Variants in CNTNAP2 observed in about 807,000 individuals in gnomAD.
CNTNAP2 encodes the protein contactin associated protein 2, also known as contactin-associated protein-like 2.
CNTNAP2 carries 98 observed loss-of-function variants against 155.2 expected under a neutral mutation model. That is an observed-to-expected ratio of 0.63 (90% CI 0.54 to 0.75). The LOEUF (loss-of-function observed/expected upper bound fraction) is 0.75. Ranked by LOEUF, CNTNAP2 falls within the 30% of genes least tolerant of loss-of-function variation. The pLI, the probability that CNTNAP2 is intolerant of heterozygous loss-of-function variation, is 0.00. For synonymous variants in CNTNAP2, 651 were observed against 631.2 expected (o/e 1.03, Z -0.47); for missense variants, 1,727 against 1,688.1 (o/e 1.02, Z -0.40).
chr7:146,134,041 C>T (rs1208137938), intron 1 of CNTNAP2, among the ~76,000 whole-genome samples: 2 of 149,068 alleles, frequency 1.3e-5, no homozygotes, highest in Non-Finnish European at 3.0e-5. Context: ...TCTTCCTACC[C>T]ATGAGCATGG....
At chr7:146,551,491 G>C (rs1372866293) in intron 1 of CNTNAP2, among the ~76,000 whole-genome samples, 3 of 151,916 alleles carry the variant, frequency 2.0e-5, no homozygotes, top group Non-Finnish European at 2.9e-5. Flanking sequence ...TGGCTGCATA[G>C]TATTCCATGG....
At chr7:148,166,466 A>G (rs1334226093) in intron 17 of CNTNAP2, among the ~76,000 whole-genome samples, 3 of 150,144 alleles carry the variant, frequency 2.0e-5, no homozygotes. Context: ...GCTCTTTATT[A>G]AGTTCTGAAT....
At chr7:148,022,319 A>T (rs1802294479) in intron 15 of CNTNAP2, among the ~76,000 whole-genome samples, 2 of 152,114 alleles carry the variant, frequency 1.3e-5, no homozygotes, top group Admixed American at 6.5e-5. Context: ...AACACGAAAA[A>T]TTAGCCGAGC....
intron 1 of CNTNAP2, among the ~76,000 whole-genome samples, chr7:146,500,772 G>T (rs748389124): frequency 6.6e-6 from 1 of 152,082 alleles, no homozygotes; most frequent in Non-Finnish European, 1.5e-5. Flanking sequence ...ATAGAAGTGG[G>T]CTAAACAGAT....
intron 15 of CNTNAP2, among the ~76,000 whole-genome samples, chr7:148,088,077 A>G (rs1055260952): frequency 6.6e-6 from 1 of 152,046 alleles, no homozygotes; most frequent in Non-Finnish European, 1.5e-5. Context: ...GTATACTTTC[A>G]CAAAATGCAT....
intron 13 of CNTNAP2, among the ~76,000 whole-genome samples, chr7:147,848,161 C>A (rs1351026486): frequency 7.2e-6 from 1 of 139,314 alleles, no homozygotes; most frequent in Non-Finnish European, 1.6e-5. Context: ...TTTACCTAAG[C>A]AAGCCTGGGC....
chr7:147,865,120 G>C (rs1489199944), intron 13 of CNTNAP2, among the ~76,000 whole-genome samples: 1 of 152,056 alleles, frequency 6.6e-6, no homozygotes, highest in Admixed American at 6.6e-5. Context: ...TAGCTTATTG[G>C]GAGTTTTTAG....
intron 2 of CNTNAP2, among the ~76,000 whole-genome samples, chr7:146,802,272 G>A (rs1175020683): frequency 6.6e-6 from 1 of 152,124 alleles, no homozygotes; most frequent in Non-Finnish European, 1.5e-5. Context: ...TGACAGATCA[G>A]TTTCTTGCAG....
chr7:147,911,641 G>T (rs111435172), intron 14 of CNTNAP2, among the ~76,000 whole-genome samples: 2 of 152,142 alleles, frequency 1.3e-5, no homozygotes, highest in South Asian at 4.1e-4. Flanking sequence ...CACCACCATC[G>T]TTCTATTTTC....
intron 1 of CNTNAP2, among the ~76,000 whole-genome samples, chr7:146,646,337 C>T (rs777916074): frequency 1.1e-4 from 16 of 151,976 alleles, no homozygotes; most frequent in Non-Finnish European, 1.9e-4. Context: ...TGTGTGTGCA[C>T]GTGCACATGT....
At chr7:148,102,709 G>A (rs1047739029) in intron 15 of CNTNAP2, among the ~76,000 whole-genome samples, 3 of 152,154 alleles carry the variant, frequency 2.0e-5, no homozygotes, top group Non-Finnish European at 4.4e-5. Context: ...GTACCTCTTC[G>A]TGCAGTGAAA....
chr7:147,408,817 G>A (rs1219551641), intron 10 of CNTNAP2, among the ~76,000 whole-genome samples: 1 of 152,128 alleles, frequency 6.6e-6, no homozygotes, highest in African/African-American at 2.4e-5. Context: ...TATCCTTTGA[G>A]CAATACGCAG....
intron 8 of CNTNAP2, among the ~76,000 whole-genome samples, chr7:147,147,758 AGAG>A (rs1200083477): frequency 2.0e-5 from 3 of 152,306 alleles, no homozygotes; most frequent in East Asian, 1.9e-4. Context: ...GTAGCCGAAC[AGAG>A]GAGAACAATC....
chr7:147,023,399 C>A (rs539727027), intron 3 of CNTNAP2, among the ~76,000 whole-genome samples: 1 of 152,128 alleles, frequency 6.6e-6, no homozygotes, highest in Non-Finnish European at 1.5e-5. Flanking sequence ...ACAGTTTCAC[C>A]TTTCTTTGTA....
rs1425122697 is a variant in CNTNAP2 at position 146,728,976 on chromosome 7, C to G, written c.98-45295C>G. On this transcript the variant is annotated intron_variant, in intron 1 of 23. Coordinates refer to ENST00000361727, the MANE Select transcript of CNTNAP2 (RefSeq NM_014141.6). ...CAGAAAAAACTCTGAGAGGTGGCTA[C>G]TTGATATTTTAAACTTGACCACAAG... Among the ~76,000 whole-genome samples, 3 of 152,168 alleles carry G rather than the reference C, an allele frequency of 2.0e-5. No homozygotes were observed. In the East Asian group the frequency reaches 5.8e-4, roughly 29 times the overall value.
chr7:147,539,336 T>C (rs1799600945), intron 11 of CNTNAP2, among the ~76,000 whole-genome samples: 1 of 152,138 alleles, frequency 6.6e-6, no homozygotes, highest in South Asian at 2.1e-4. Flanking sequence ...TATAGTGCTA[T>C]TCCCCTTCTA....
At position 148,217,344 on chromosome 7, in the gene CNTNAP2, G is replaced by A. The variant is rs1432037099; in HGVS notation, c.3067G>A (p.Ala1023Thr). 6.2e-7 allele frequency: 1 copy of A among 1,614,068 alleles called. No homozygotes were observed. The highest frequency in any genetic ancestry group is 1.3e-5 in the African/African-American group (1 of 75,040). The part of the protein sequence containing the change: ...MWLRYNFQAP[A>T]TNARDSSSRV... Reference sequence around the variant, plus strand: ...GCTACGATATAACTTTCAGGCACCAGCAACAAATGCCAGAGACTCCAGCAG... The same window carrying A: ...GCTACGATATAACTTTCAGGCACCAACAACAAATGCCAGAGACTCCAGCAG... Residue 1023 changes from alanine to threonine, a missense_variant, in exon 19 of 24, where the codon GCA (alanine) becomes ACA (threonine). Transcript: ENST00000361727.
At chr7:147,653,480 G>A (rs144667057) in intron 13 of CNTNAP2, among the ~76,000 whole-genome samples, 41 of 152,340 alleles carry the variant, frequency 2.7e-4, no homozygotes, top group African/African-American at 8.2e-4. Context: ...AACTATCAGA[G>A]ATATTGAGAC....
At chr7:147,426,729 C>T (rs756606035) in intron 10 of CNTNAP2, among the ~76,000 whole-genome samples, 3 of 152,080 alleles carry the variant, frequency 2.0e-5, no homozygotes, top group Non-Finnish European at 2.9e-5. Context: ...TTTAAAAGAT[C>T]TGGGAATGAA....
Sources: gnomAD v4.1 joint callset for allele counts (sites outside exome capture counted in the v4.1 genomes callset) on GRCh38, gnomAD v4.1.1 for gene constraint, MANE v1.5 for transcripts, NCBI Gene and HGNC (gene_info 2026-07-23, HGNC 2026-07-21) for gene names.